ZNF577: variants seen among roughly 807,000 people sequenced by gnomAD.
ZNF577 encodes the protein zinc finger protein 577.
A neutral mutation model predicts 13.9 loss-of-function variants in ZNF577; 14 were observed. The observed-to-expected ratio is 1.00, with a 90% CI of 0.66 to 1.57. The LOEUF (loss-of-function observed/expected upper bound fraction) is 1.57. ZNF577 is among the 40% of genes most tolerant of loss of function. The probability of loss-of-function intolerance (pLI) is 0.00; values close to 1 mark genes in which losing one functional copy is unlikely to be tolerated. For missense variants in ZNF577, 555 were observed against 579.2 expected (o/e 0.96, Z 0.43); for synonymous variants, 203 against 202.9 (o/e 1.00, Z 0.00).
chr19:51,812,942 G>A (rs1458461528), intron 9 of ZNF577, among the ~76,000 whole-genome samples: 1 of 152,098 alleles, frequency 6.6e-6, no homozygotes, highest in Non-Finnish European at 1.5e-5. Context: ...CCAACATGGT[G>A]AAACTCTGTC....
chr19:51,834,987 A>C (rs1463594791), intron 9 of ZNF577, among the ~76,000 whole-genome samples: 1 of 152,208 alleles, frequency 6.6e-6, no homozygotes, highest in Non-Finnish European at 1.5e-5. Context: ...TTAGAGAATA[A>C]GTGTGTGAAC....
intron 9 of ZNF577, among the ~76,000 whole-genome samples, chr19:51,834,503 CA>C (rs1203797273): frequency 6.6e-6 from 1 of 152,110 alleles, no homozygotes; most frequent in African/African-American, 2.4e-5. Flanking sequence ...CATAATCTAT[CA>C]AATTAAAAAC....
At chr19:51,857,554 A>G (rs1568442370) in intron 5 of ZNF577, among the ~76,000 whole-genome samples, 1 of 152,310 alleles carries the variant, frequency 6.6e-6, no homozygotes, top group East Asian at 1.9e-4. Flanking sequence ...AAGGGCCTCT[A>G]CATGTTTAAG....
At chr19:51,860,474 C>A (rs4267442) in intron 5 of ZNF577, 18,677 of 152,570 alleles carry the variant, frequency 0.12, 1,268 homozygotes, top group East Asian at 0.25. Flanking sequence ...AGAATAGGAT[C>A]TTTCTGATAA....
intron 9 of ZNF577, among the ~76,000 whole-genome samples, chr19:51,838,534 G>A (rs886352983): frequency 6.8e-6 from 1 of 146,688 alleles, no homozygotes; most frequent in African/African-American, 2.5e-5. Flanking sequence ...GTATAAGAGG[G>A]TTAAAAAAAG....
At chr19:51,814,946 A>G (rs2084123940) in intron 9 of ZNF577, among the ~76,000 whole-genome samples, 1 of 151,822 alleles carries the variant, frequency 6.6e-6, no homozygotes, top group Non-Finnish European at 1.5e-5. Flanking sequence ...AGTAGCTGGG[A>G]CTACAGCCGC....
chr19:51,844,557 TC>T (rs1472454891), intron 6 of ZNF577, among the ~76,000 whole-genome samples: 1 of 152,232 alleles, frequency 6.6e-6, no homozygotes, highest in Non-Finnish European at 1.5e-5. Flanking sequence ...ATGGCAATTG[TC>T]TAATTATTAG....
At chr19:51,806,017 T>C in intron 10 of ZNF577, among the ~76,000 whole-genome samples, 1 of 152,166 alleles carries the variant, frequency 6.6e-6, no homozygotes, top group East Asian at 1.9e-4. Flanking sequence ...GATTTACAGG[T>C]CAACTGGGTA....
At chr19:51,876,061 T>A (rs1313594450) in intron 5 of ZNF577, among the ~76,000 whole-genome samples, 1 of 152,102 alleles carries the variant, frequency 6.6e-6, no homozygotes, top group African/African-American at 2.4e-5. Context: ...GGAAAGAGAA[T>A]CACAGTTTCT....
At chr19:51,810,926 T>A (rs1449140181) in intron 10 of ZNF577, among the ~76,000 whole-genome samples, 1 of 152,190 alleles carries the variant, frequency 6.6e-6, no homozygotes, top group East Asian at 1.9e-4. Context: ...CAGCAGAGCA[T>A]AAAATTCTTT....
rs925540956 is a variant in ZNF577, at chr19:51,808,667, A to G, written c.*817+2790T>C. On this transcript the variant is annotated intron_variant and NMD_transcript_variant, in intron 10 of 10. Coordinates refer to the ZNF577 transcript ENST00000638827. ...CGTGTAAGGGTGTAGTAAAGAAACA[A>G]TCCTTAAGATCTATTACTACAAGAG... 5.9e-5 allele frequency among the ~76,000 whole-genome samples: 9 copies of G among 152,318 alleles called. No individual in the cohort carries two copies. In the East Asian group the frequency reaches 9.6e-4, roughly 16 times the overall value.
At chr19:51,817,412 T>C (rs950136094) in intron 9 of ZNF577, among the ~76,000 whole-genome samples, 1 of 151,914 alleles carries the variant, frequency 6.6e-6, no homozygotes, top group African/African-American at 2.4e-5. Context: ...AGAGAGAAAA[T>C]AGCCAAATTC....
chr19:51,862,863 T>C (rs540904386), downstream of ZNF577: 3 of 152,606 alleles, frequency 2.0e-5, no homozygotes, highest in Non-Finnish European at 4.4e-5. Flanking sequence ...CAGTGAGATG[T>C]GTCCTAACCA....
intron 10 of ZNF577, among the ~76,000 whole-genome samples, chr19:51,806,831 C>T (rs141792689): frequency 1.3e-5 from 2 of 152,312 alleles, no homozygotes; most frequent in South Asian, 2.1e-4. Flanking sequence ...CTGGGTCTAG[C>T]GTACTTTTAA....
At chr19:51,843,877 C>T (rs2084334744) in intron 6 of ZNF577, among the ~76,000 whole-genome samples, 2 of 152,112 alleles carry the variant, frequency 1.3e-5, no homozygotes, top group African/African-American at 4.8e-5. Context: ...TGGGGGCTTC[C>T]TTGGAAGGGG....
intron 5 of ZNF577, among the ~76,000 whole-genome samples, chr19:51,851,612 T>G (rs2122564885): frequency 6.6e-6 from 1 of 152,154 alleles, no homozygotes; most frequent in East Asian, 1.9e-4. Context: ...CACCTCACAT[T>G]TGCTCCTGTT....
At chr19:51,854,531 G>A (rs988795070) in intron 5 of ZNF577, among the ~76,000 whole-genome samples, 9 of 141,626 alleles carry the variant, frequency 6.4e-5, no homozygotes, top group African/African-American at 1.1e-4. Flanking sequence ...ATGGGGTCTC[G>A]CTATGTTGCC....
Position 51,824,858 on chromosome 19 carries a change from G to A in ZNF577, c.*600-13184C>T, listed in dbSNP as rs187531282. On this transcript the variant is annotated intron_variant and NMD_transcript_variant, in intron 9 of 10. Transcript: ENST00000638827. This position sits in a 1 kb window ranked among gnomAD's most constrained non-coding sequence, Gnocchi z 4.7. ...TGTCTCTTTCTACCCTGCGTTAAGCGGAAAAAAAAAATTCTGACAGTGTTT... is the reference window on the plus strand; with the variant it reads ...TGTCTCTTTCTACCCTGCGTTAAGCAGAAAAAAAAAATTCTGACAGTGTTT... The A allele has an allele frequency of 9.3e-4, 1,332 of 1,427,968 alleles. 8 individuals are homozygous for A. Among genetic ancestry groups the A allele is most frequent in the East Asian group, 9.9e-4 (40 of 40,564 alleles). 88.5% of individuals were successfully genotyped at this position (1,427,968 alleles called of 1,614,324 possible).
In ZNF577 at chr19:51,869,498, T is replaced by C. The variant is rs1180938899; in HGVS notation, c.*3034A>G. Among the ~76,000 whole-genome samples, 1 of 152,078 alleles carries C rather than the reference T, an allele frequency of 6.6e-6. No individual in the cohort carries two copies. Among genetic ancestry groups the C allele is most frequent in the Non-Finnish European group, 1.5e-5 (1 of 67,994 alleles). ...TCCTGCCACATCCCCCTCTCCGAGA[T>C]GGTAGAGATAGTGATCAACAAATGC... On this transcript the variant is annotated 3_prime_UTR_variant, in exon 6 of 6. Transcript: ENST00000638348.
Sources: gnomAD v4.1 joint callset for allele counts (sites outside exome capture counted in the v4.1 genomes callset) on GRCh38, gnomAD v4.1.1 for gene constraint, Gnocchi (gnomAD v3.1) non-coding constraint, MANE v1.5 for transcripts, NCBI Gene and HGNC (gene_info 2026-07-23, HGNC 2026-07-21) for gene names.